The following GFOD1 variants were observed in gnomAD, a reference collection of about 807,000 sequenced individuals.
The protein encoded by GFOD1 is Gfo/Idh/MocA-like oxidoreductase domain containing 1, also known as glucose-fructose oxidoreductase domain-containing protein 1.
Under a neutral mutation model 25.4 loss-of-function variants are expected in GFOD1, and 9 were observed. The observed-to-expected ratio is 0.35, with a 90% CI of 0.21 to 0.62. The LOEUF is 0.62. Among genes scored for constraint, GFOD1 ranks in the 20% least tolerant of loss-of-function variants. GFOD1 has a pLI of 0.72. For synonymous variants in GFOD1, 253 were observed against 245.6 expected, an observed-to-expected ratio of 1.03 and a Z score of -0.28; for missense variants, 403 against 556.9, an observed-to-expected ratio of 0.72 and a Z score of 2.78.
intron 1 of GFOD1, among the ~76,000 whole-genome samples, chr6:13,423,233 A>AGCCGAGATTGCGCCACTGCAG (rs1562214486): frequency 2.6e-5 from 4 of 152,034 alleles, no homozygotes; most frequent in African/African-American, 7.3e-5. Flanking sequence ...GAACAGTTTG[A>AGCCGAGATTGCGCCACTGCAG]TTTACAATGT....
In GFOD1 at chr6:13,460,241, G is replaced by A. The variant is rs1758268823; in HGVS notation, c.253+26397C>T. ...GAATGTAAATTAGCTCAACCATTGT[G>A]GAAGACACTGTGGTGATTCCTCAAG... On this transcript the variant is annotated intron_variant, in intron 1 of 1. Coordinates refer to ENST00000379287, the MANE Select transcript of GFOD1 (RefSeq NM_018988.4). Among the ~76,000 whole-genome samples, 4 of 152,212 alleles carry A rather than the reference G, an allele frequency of 2.6e-5. No individual in the cohort carries two copies. The South Asian group carries it at 6.2e-4, about 24-fold the overall frequency.
At chr6:13,382,381 G>A (rs1251945219) in intron 1 of GFOD1, among the ~76,000 whole-genome samples, 1 of 151,148 alleles carries the variant, frequency 6.6e-6, no homozygotes, top group Non-Finnish European at 1.5e-5. Flanking sequence ...CTGTTCTCAT[G>A]ATAATGTACA....
chr6:13,436,355 T>C (rs769140335), intron 1 of GFOD1, among the ~76,000 whole-genome samples: 2 of 152,234 alleles, frequency 1.3e-5, no homozygotes, highest in Non-Finnish European at 2.9e-5. Flanking sequence ...CTCCTGTTCA[T>C]TCCCCAAATA....
chr6:13,371,424 C>T (rs759881237), intron 1 of GFOD1, among the ~76,000 whole-genome samples: 21 of 152,190 alleles, frequency 1.4e-4, no homozygotes, highest in Non-Finnish European at 2.2e-4. Flanking sequence ...GGCCAACACA[C>T]GTTCTTTAGG....
At chr6:13,459,888 C>A (rs181113946) in intron 1 of GFOD1, among the ~76,000 whole-genome samples, 1 of 152,146 alleles carries the variant, frequency 6.6e-6, no homozygotes, top group Non-Finnish European at 1.5e-5. Context: ...AATCCCAGCA[C>A]TTTGGGAGGC....
intron 1 of GFOD1, among the ~76,000 whole-genome samples, chr6:13,376,357 A>G (rs1785256682): frequency 6.6e-6 from 1 of 152,082 alleles, no homozygotes; most frequent in South Asian, 2.1e-4. Context: ...GCCAAATGAC[A>G]ACTACTGTAC....
At chr6:13,466,264 A>C (rs1371598859) in intron 1 of GFOD1, among the ~76,000 whole-genome samples, 29 of 152,218 alleles carry the variant, frequency 1.9e-4, no homozygotes, top group Non-Finnish European at 5.9e-5. Flanking sequence ...GATCTGAGTT[A>C]GAAGATAATA....
At chr6:13,373,741 AACACACACACACACAC>A (rs10530031) in intron 1 of GFOD1, among the ~76,000 whole-genome samples, 3 of 129,598 alleles carry the variant, frequency 2.3e-5, no homozygotes, top group Non-Finnish European at 1.6e-5. Context: ...CTGCTCCCCC[AACACACACACACACAC>A]ACACACACAC....
chr6:13,400,520 C>T (rs1270562184), intron 1 of GFOD1, among the ~76,000 whole-genome samples: 1 of 152,222 alleles, frequency 6.6e-6, no homozygotes, highest in African/African-American at 2.4e-5. Flanking sequence ...GATACAAGAC[C>T]AGGTAGAACC....
At chr6:13,370,400 C>T (rs994796234) in intron 1 of GFOD1, among the ~76,000 whole-genome samples, 30 of 152,208 alleles carry the variant, frequency 2.0e-4, no homozygotes, top group African/African-American at 7.2e-4. Flanking sequence ...TTCTTAAAGG[C>T]TTTGGGACAT....
chr6:13,421,833 G>A (rs1275124822), intron 1 of GFOD1, among the ~76,000 whole-genome samples: 2 of 152,206 alleles, frequency 1.3e-5, no homozygotes, highest in Non-Finnish European at 2.9e-5. Flanking sequence ...CTCTAGTGAG[G>A]GAGCAGAGGA....
intron 1 of GFOD1, among the ~76,000 whole-genome samples, chr6:13,445,130 C>T (rs979576412): frequency 1.3e-5 from 2 of 152,140 alleles, no homozygotes; most frequent in Non-Finnish European, 2.9e-5. Flanking sequence ...GAAGAGGGCT[C>T]AGCAGCCAGC....
At chr6:13,378,073 T>G (rs749553647) in intron 1 of GFOD1, among the ~76,000 whole-genome samples, 35 of 152,292 alleles carry the variant, frequency 2.3e-4, no homozygotes, top group Non-Finnish European at 4.6e-4. Context: ...ATTGTATGTA[T>G]CCACTTGGCA....
chr6:13,367,226 TA>T (rs1785066292), intron 1 of GFOD1, among the ~76,000 whole-genome samples: 1 of 152,216 alleles, frequency 6.6e-6, no homozygotes, highest in African/African-American at 2.4e-5. Flanking sequence ...AAGGTAAGTC[TA>T]ATTAAGTCTG....
At chr6:13,382,354 G>C (rs570646421) in intron 1 of GFOD1, among the ~76,000 whole-genome samples, 1 of 151,348 alleles carries the variant, frequency 6.6e-6, no homozygotes, top group South Asian at 2.1e-4. Flanking sequence ...TCATGGGGGG[G>C]GGGGTTCTTT....
At chr6:13,381,915 G>GTGCACACACACACACACA (rs1554199973) in intron 1 of GFOD1, among the ~76,000 whole-genome samples, 1 of 140,052 alleles carries the variant, frequency 7.1e-6, no homozygotes, top group Non-Finnish European at 1.5e-5. Context: ...ACGCGCGCGC[G>GTGCACACACACACACACA]CACACACACA....
intron 1 of GFOD1, among the ~76,000 whole-genome samples, chr6:13,408,311 C>T (rs1164849608): frequency 1.3e-5 from 2 of 152,214 alleles, no homozygotes; most frequent in African/African-American, 2.4e-5. Context: ...ATATAGCAAG[C>T]TCCTTATCTT....
At chr6:13,401,017 C>T (rs891947991) in intron 1 of GFOD1, among the ~76,000 whole-genome samples, 19 of 152,180 alleles carry the variant, frequency 1.2e-4, no homozygotes, top group African/African-American at 4.3e-4. Flanking sequence ...GGAGAGCCAA[C>T]AACAGCATCA....
chr6:13,469,005 G>T (rs1019312877), intron 1 of GFOD1, among the ~76,000 whole-genome samples: 2 of 152,176 alleles, frequency 1.3e-5, no homozygotes, highest in African/African-American at 4.8e-5. Flanking sequence ...CAGGTCATTC[G>T]TGGAATTCAA....
Sources: allele counts gnomAD v4.1 joint callset (sites outside exome capture counted in the v4.1 genomes callset), GRCh38; gene constraint gnomAD v4.1.1; transcripts MANE v1.5; gene names NCBI Gene and HGNC (gene_info 2026-07-23, HGNC 2026-07-21).